Variants in PDE4DIP observed in about 807,000 individuals in gnomAD.
PDE4DIP encodes myomegalin.
Under a neutral mutation model 221.4 loss-of-function variants are expected in PDE4DIP, and 59 were observed. The ratio of observed to expected loss-of-function variants is 0.27; its 90% CI spans 0.22 to 0.33. The LOEUF is 0.33. Among genes scored for constraint, PDE4DIP ranks in the 10% least tolerant of loss-of-function variants. The probability of loss-of-function intolerance (pLI) is 1.00; values close to 1 mark genes in which losing one functional copy is unlikely to be tolerated. For missense variants in PDE4DIP, 1,036 were observed against 2,154.2 expected (o/e 0.48, Z 10.28); for synonymous variants, 404 against 815.9 (o/e 0.50, Z 8.60).
rs781801173 is a variant in PDE4DIP, at chr1:148,977,887, C to A, written c.2320-50C>A. On this transcript the variant is annotated intron_variant, in intron 17 of 43. Coordinates refer to ENST00000369354, the Ensembl canonical transcript of PDE4DIP. ...GTAATAGGATATGCAAAAGCATTTG[C>A]CTCAGTGTTAAAATGTAAACATGGC... 11 of 1,598,548 alleles carry A rather than the reference C, an allele frequency of 6.9e-6. No homozygotes were observed. The South Asian group carries it at 1.3e-4, about 18-fold the overall frequency.
At chr1:148,976,335 G>A (rs2060168563) in intron 17 of PDE4DIP, among the ~76,000 whole-genome samples, 1 of 152,226 alleles carries the variant, frequency 6.6e-6, no homozygotes, top group African/African-American at 2.4e-5. Context: ...TAGTGGCTCT[G>A]AGTCAGCTTC....
In PDE4DIP at chr1:148,979,851, T is replaced by A. The variant is rs2060795661; in HGVS notation, c.2687+2T>A. ...GAAGTTCCATGCCCATCCAGAGAGG[T>A]AAGAGAGAGGCTGTTTTTTCTTTTA... On this transcript the variant is annotated splice_donor_variant, in intron 20 of 43. Coordinates refer to ENST00000369354, the Ensembl canonical transcript of PDE4DIP. LOFTEE classifies it high-confidence loss of function. 1 of 1,612,048 alleles carries A rather than the reference T, an allele frequency of 6.2e-7. No individual in the cohort carries two copies. The highest frequency in any genetic ancestry group is 1.3e-5 in the African/African-American group (1 of 74,864).
intron 37 of PDE4DIP, 50 bp downstream of exon 40, chr1:149,021,203 A>T (rs372855306): frequency 4.5e-6 from 3 of 665,606 alleles, no homozygotes; most frequent in Non-Finnish European, 5.4e-6. Context: ...CTTGCATAGG[A>T]TGCTAGTGAG....
chr1:148,954,024 C>A lies in PDE4DIP; in HGVS notation c.637-6630C>A, dbSNP rs587741063. 116 of 687,442 alleles carry A rather than the reference C, an allele frequency of 1.7e-4. No homozygotes were observed. The Admixed American group carries it at 2.3e-3, about 14-fold the overall frequency. The allele number at this position is 687,442 out of a possible 1,614,324, so 42.6% of individuals were successfully genotyped here. A position where few individuals can be genotyped will look rare whatever the true frequency, so the allele number is the denominator to read the frequency against. ...TGGACTTGAGAAAATTAGTCATGAC[C>A]CCATTTTTGCTGCACCTTTTGCTCT... On this transcript the variant is annotated intron_variant, in intron 5 of 43. Coordinates refer to ENST00000369354, the Ensembl canonical transcript of PDE4DIP.
At chr1:149,012,702 G>T in exon 32 of PDE4DIP, 1 of 1,613,850 alleles carries the variant, frequency 6.2e-7, no homozygotes, top group Non-Finnish European at 8.5e-7. Context: ...CTCCTTGGCT[G>T]CTGTGAGACA....
intron 4 of PDE4DIP, among the ~76,000 whole-genome samples, chr1:148,933,661 A>G (rs1330466930): frequency 1.3e-5 from 2 of 152,220 alleles, no homozygotes; most frequent in African/African-American, 4.8e-5. Flanking sequence ...CAAAAACCAC[A>G]TGTGCATACC....
At chr1:148,978,144 C>T (rs1255577794) in intron 18 of PDE4DIP, 91 bp downstream of exon 21, 17 of 1,345,864 alleles carry the variant, frequency 1.3e-5, no homozygotes, top group African/African-American at 4.3e-5. Flanking sequence ...CACATCGAAT[C>T]CCTTGGCCAG....
chr1:149,029,981 CT>C (rs2076256157), intron 42 of PDE4DIP, 56 bp downstream of exon 45: 1 of 673,272 alleles, frequency 1.5e-6, no homozygotes. Context: ...CGATGCCCCA[CT>C]TGTGCTGCAG....
chr1:148,976,713 A>G (rs1409380850), intron 17 of PDE4DIP, among the ~76,000 whole-genome samples: 1 of 151,020 alleles, frequency 6.6e-6, no homozygotes, highest in African/African-American at 2.4e-5. Context: ...ATAGAAAGCA[A>G]CATGGATGGA....
chr1:149,007,047 T>C (rs1226311493), intron 27 of PDE4DIP, 154 bp from the exon 31 acceptor site: 5 of 601,460 alleles, frequency 8.3e-6, no homozygotes, highest in African/African-American at 3.8e-5. Flanking sequence ...TAGAATTTAC[T>C]CTTAAATACC....
rs1456590444 is a variant in PDE4DIP at position 148,820,957 on chromosome 1, T to C, written c.233+12220T>C. Among the ~76,000 whole-genome samples the C allele has an allele frequency of 7.3e-5, 11 of 149,990 alleles. 1 individual carries two copies. In the South Asian group the frequency reaches 1.9e-3, roughly 26 times the overall value. ...GCTCCGCCCCCTGGGGTTCACGCCA[T>C]TGTCTTGCCTCAGCCTCCAGAGTAA... On this transcript the variant is annotated intron_variant, in intron 1 of 45. Transcript: ENST00000524974.
At chr1:149,010,680 C>T (rs2068350661) in intron 31 of PDE4DIP, 85 bp downstream of exon 34, 1 of 1,297,038 alleles carries the variant, frequency 7.7e-7, no homozygotes, top group African/African-American at 1.5e-5. Flanking sequence ...GAGGTTTGGA[C>T]TGTTAGGGGC....
chr1:148,915,134 T>TTTTGTTTGTTTG (rs58167922), intron 1 of PDE4DIP, among the ~76,000 whole-genome samples: 356 of 149,806 alleles, frequency 2.4e-3, no homozygotes, highest in Middle Eastern at 6.9e-3. Flanking sequence ...CTTCTGGTTT[T>TTTTGTTTGTTTG]TTTGTTTGTT....
intron 5 of PDE4DIP, chr1:148,952,472 G>A (rs587626469): frequency 9.3e-7 from 1 of 1,081,012 alleles, no homozygotes; most frequent in Non-Finnish European, 1.1e-6. Context: ...CGCGGCGGCT[G>A]GCGGGAGAGA....
At chr1:148,983,094 G>C (rs757888296) in intron 21 of PDE4DIP, 1 of 152,056 alleles carries the variant, frequency 6.6e-6, no homozygotes, top group African/African-American at 2.4e-5. Context: ...AGTGTAGGCC[G>C]ATCCATCCAC....
intron 41 of PDE4DIP, among the ~76,000 whole-genome samples, 185 bp from the exon 45 acceptor site, chr1:149,029,602 T>G (rs2076120147): frequency 6.6e-6 from 1 of 152,152 alleles, no homozygotes; most frequent in African/African-American, 2.4e-5. Flanking sequence ...AGTCTCATTA[T>G]TCCTGCCTAA....
At chr1:148,866,691 AAAT>A (rs1201049971) in intron 2 of PDE4DIP, among the ~76,000 whole-genome samples, 1 of 55,232 alleles carries the variant, frequency 1.8e-5, no homozygotes, top group Non-Finnish European at 3.1e-5. Flanking sequence ...AAAAGAGAAA[AAAT>A]AAAGAAAGAG....
intron 14 of PDE4DIP, among the ~76,000 whole-genome samples, chr1:148,971,385 T>G (rs2059182802): frequency 1.3e-5 from 2 of 149,110 alleles, no homozygotes; most frequent in Admixed American, 1.3e-4. Context: ...GAAAAAAAAT[T>G]AAGCACAGTA....
At chr1:148,915,128 TG>T (rs2043642287) in intron 1 of PDE4DIP, among the ~76,000 whole-genome samples, 1 of 145,364 alleles carries the variant, frequency 6.9e-6, no homozygotes, top group Non-Finnish European at 1.5e-5. Context: ...TGCTTTCTTC[TG>T]GTTTTTTTGT....
Sources: gnomAD v4.1 joint callset for allele counts (sites outside exome capture counted in the v4.1 genomes callset) on GRCh38, gnomAD v4.1.1 for gene constraint, MANE v1.5 for transcripts, NCBI Gene and HGNC (gene_info 2026-07-23, HGNC 2026-07-21) for gene names.